The following SMAD3 variants were observed in gnomAD, a reference collection of about 807,000 sequenced individuals.
The protein encoded by SMAD3 is MAD homolog 3.
SMAD3 carries 12 observed loss-of-function variants against 51.8 expected under a neutral mutation model. That is an observed-to-expected ratio of 0.23 (90% confidence interval 0.15 to 0.38). The LOEUF is 0.38. Among genes scored for constraint, SMAD3 ranks in the 10% least tolerant of loss-of-function variants. The pLI is 1.00. For missense variants in SMAD3, 294 were observed against 565.6 expected (o/e 0.52, Z 4.87); for synonymous variants, 238 against 227.7 (o/e 1.05, Z -0.41).
At chr15:67,136,328 C>CTTTT (rs11355676) in intron 1 of SMAD3, among the ~76,000 whole-genome samples, 4 of 137,120 alleles carry the variant, frequency 2.9e-5, no homozygotes, top group Non-Finnish European at 1.6e-5. Flanking sequence ...GTCAGTCATT[C>CTTTT]TTTTTTTTTT....
intron 5 of SMAD3, chr15:67,174,541 T>G (rs2278545): frequency 0.87 from 133,198 of 152,234 alleles, 58,376 homozygotes; most frequent in Admixed American, 0.91. Context: ...GGCATCAGGG[T>G]TTCAAGGGGG....
chr15:67,187,288 G>T, intron 7 of SMAD3, 77 bp from the exon 8 acceptor site: 4 of 1,577,938 alleles, frequency 2.5e-6, no homozygotes, highest in Non-Finnish European at 3.5e-6. Flanking sequence ...GGGGGTCCAG[G>T]ACTTGCTTTA....
intron 1 of SMAD3, among the ~76,000 whole-genome samples, chr15:67,070,310 C>T (rs1242572753): frequency 6.6e-6 from 1 of 152,048 alleles, no homozygotes; most frequent in Non-Finnish European, 1.5e-5. Flanking sequence ...GAGGTGCCTG[C>T]AGGACAATAG....
intron 1 of SMAD3, among the ~76,000 whole-genome samples, chr15:67,103,605 C>T (rs987324969): frequency 6.6e-6 from 1 of 152,178 alleles, no homozygotes; most frequent in Non-Finnish European, 1.5e-5. Context: ...GCTGCAGTTT[C>T]CTCAGCCCAG....
chr15:67,070,482 A>G (rs1331169190), intron 1 of SMAD3, among the ~76,000 whole-genome samples: 1 of 151,808 alleles, frequency 6.6e-6, no homozygotes, highest in African/African-American at 2.4e-5. Context: ...TGATTTATTG[A>G]TATTTATTGG....
chr15:67,094,067 A>G (rs1260656425), intron 1 of SMAD3, among the ~76,000 whole-genome samples: 1 of 152,240 alleles, frequency 6.6e-6, no homozygotes. Flanking sequence ...CCACACTTCC[A>G]GTGTTCCAGG....
chr15:67,083,902 G>T (rs1237622711), intron 1 of SMAD3, among the ~76,000 whole-genome samples: 1 of 152,074 alleles, frequency 6.6e-6, no homozygotes, highest in Non-Finnish European at 1.5e-5. Context: ...CTGTTTTCTG[G>T]GTGAGGTTGA....
At chr15:67,108,406 C>T (rs780532013) in intron 1 of SMAD3, among the ~76,000 whole-genome samples, 5 of 152,160 alleles carry the variant, frequency 3.3e-5, no homozygotes, top group Non-Finnish European at 1.5e-5. Context: ...TTTCTTGCCT[C>T]CTTGCTTTGC....
At chr15:67,085,867 T>TGC (rs1197054499) in intron 1 of SMAD3, among the ~76,000 whole-genome samples, 2 of 54,834 alleles carry the variant, frequency 3.6e-5, no homozygotes, top group Non-Finnish European at 7.4e-5. Context: ...AAAAAAAGCG[T>TGC]GCACACACAC....
intron 7 of SMAD3, among the ~76,000 whole-genome samples, chr15:67,185,881 T>C (rs966739336): frequency 3.3e-5 from 5 of 152,270 alleles, no homozygotes; most frequent in African/African-American, 1.2e-4. Context: ...GGCCATTGCC[T>C]GTGGCACGTG....
chr15:67,096,163 C>T (rs575706992), intron 1 of SMAD3, among the ~76,000 whole-genome samples: 4 of 152,326 alleles, frequency 2.6e-5, no homozygotes, highest in Admixed American at 6.5e-5. Context: ...TTATTACTCA[C>T]GTCACTTCCC....
intron 1 of SMAD3, among the ~76,000 whole-genome samples, chr15:67,127,829 A>T (rs1166301242): frequency 6.6e-6 from 1 of 152,134 alleles, no homozygotes; most frequent in Admixed American, 6.5e-5. Flanking sequence ...GCTAGAGTGG[A>T]TGGCTAGAGG....
rs1176511192 is a variant in SMAD3 at position 67,195,163 on chromosome 15, T to C, written c.*4627T>C. The C allele has an allele frequency of 4.3e-6, 1 of 231,982 alleles. No homozygotes were observed. Among genetic ancestry groups the C allele is most frequent in the African/African-American group, 2.2e-5 (1 of 45,202 alleles). 14.4% of individuals were successfully genotyped at this position (231,982 alleles called of 1,614,324 possible). ...AAGTGCCCTTCTAATAAACTTTTCA[T>C]GGAAAAGCTCCTGTGCCAGGAGCTC... is the stretch of plus-strand genomic sequence containing the variant. On this transcript the variant is annotated 3_prime_UTR_variant, in exon 9 of 9. Coordinates refer to ENST00000327367, the MANE Select transcript of SMAD3 (RefSeq NM_005902.4).
At chr15:67,098,364 A>G (rs367571469) in intron 1 of SMAD3, among the ~76,000 whole-genome samples, 223 of 136,130 alleles carry the variant, frequency 1.6e-3, no homozygotes, top group African/African-American at 4.8e-3. Context: ...GCGAGCGAGC[A>G]AGCAAGCAAG....
rs561949465 is a variant in SMAD3, at chr15:67,124,939, A to G, written c.207-39956A>G. Among the ~76,000 whole-genome samples the G allele has an allele frequency of 1.4e-4, 21 of 152,350 alleles. No homozygotes were observed. The South Asian group carries it at 4.4e-3, about 32-fold the overall frequency. On this transcript the variant is annotated intron_variant, in intron 1 of 8. Transcript: ENST00000327367. The stretch of plus-strand genomic sequence containing the variant: ...CTTGGAGTCAGGGCTCCTGTCTCTT[A>G]GCAAAAAGCTAAAGCATACATCAAG...
rs767649515 is a variant in SMAD3 at position 67,187,414 on chromosome 15, C to A, written c.1059C>A (p.Ala353=). ...ACCAGGAGTTCGCTGCCCTCCTGGC[C>A]CAGTCGGTCAACCAGGGCTTTGAGG... ...FNNQEFAALL[A]QSVNQGFEAV... The change falls in exon 8 of 9, where the codon GCC becomes GCA. Residue 353 remains alanine (A), a synonymous_variant. Coordinates refer to ENST00000327367, the MANE Select transcript of SMAD3 (RefSeq NM_005902.4). 103 of 1,614,000 alleles carry A rather than the reference C, an allele frequency of 6.4e-5. No individual in the cohort carries two copies. Among genetic ancestry groups the A allele is most frequent in the Non-Finnish European group, 8.6e-5 (101 of 1,180,014 alleles).
chr15:67,144,509 T>A (rs1961922502), intron 1 of SMAD3, among the ~76,000 whole-genome samples: 1 of 152,244 alleles, frequency 6.6e-6, no homozygotes, highest in Non-Finnish European at 1.5e-5. Flanking sequence ...ACGTAATTAA[T>A]GATTTAATGA....
At chr15:67,082,883 G>C (rs138430203) in intron 1 of SMAD3, among the ~76,000 whole-genome samples, 1 of 152,130 alleles carries the variant, frequency 6.6e-6, no homozygotes, top group African/African-American at 2.4e-5. Context: ...AGGTCTTCTT[G>C]TTTTTCTTGC....
chr15:67,144,476 G>T lies in SMAD3; in HGVS notation c.207-20419G>T, dbSNP rs534500720. On this transcript the variant is annotated intron_variant, in intron 1 of 8. Transcript: ENST00000327367. ...ATGTGCTTTGAAAGAAATTTGTTTA[G>T]AATTCATTTGGCCCTAAAATCCACG... Among the ~76,000 whole-genome samples the T allele has an allele frequency of 1.9e-3, 295 of 152,080 alleles. 1 individual carries two copies. The highest frequency in any genetic ancestry group is 3.5e-3 in the Non-Finnish European group (239 of 68,002).
Sources: gnomAD v4.1 joint callset for allele counts (sites outside exome capture counted in the v4.1 genomes callset) on GRCh38, gnomAD v4.1.1 for gene constraint, MANE v1.5 for transcripts, NCBI Gene and HGNC (gene_info 2026-07-23, HGNC 2026-07-21) for gene names.